KCNB2: variants seen among roughly 807,000 people sequenced by gnomAD.
KCNB2 encodes potassium voltage-gated channel subfamily B member 2.
KCNB2 carries 15 observed loss-of-function variants against 61.5 expected under a neutral mutation model. The ratio of observed to expected loss-of-function variants is 0.24; its 90% CI spans 0.16 to 0.38. The LOEUF is 0.38. KCNB2 is among the 10% of genes least tolerant of loss of function. The pLI is 1.00. For synonymous variants in KCNB2, 457 were observed against 446.0 expected (o/e 1.02, Z -0.31); for missense variants, 828 against 1,125.2 (o/e 0.74, Z 3.78).
At chr8:72,897,649 C>T (rs767020068) in intron 2 of KCNB2, among the ~76,000 whole-genome samples, 7 of 152,118 alleles carry the variant, frequency 4.6e-5, no homozygotes, top group South Asian at 2.1e-4. Context: ...AAATAATTTA[C>T]GTTGTCTATT....
chr8:72,736,086 A>G (rs974836526), intron 2 of KCNB2, among the ~76,000 whole-genome samples: 10 of 152,132 alleles, frequency 6.6e-5, no homozygotes, highest in Non-Finnish European at 1.3e-4. Flanking sequence ...TTTACACCAA[A>G]ACTCACTTGA....
intron 2 of KCNB2, among the ~76,000 whole-genome samples, chr8:72,737,741 G>T (rs540932100): frequency 6.6e-6 from 1 of 152,112 alleles, no homozygotes; most frequent in African/African-American, 2.4e-5. Context: ...TCTTGCTGTA[G>T]GTTGAAGAAC....
At chr8:72,548,828 A>G (rs956418679) in intron 1 of KCNB2, among the ~76,000 whole-genome samples, 1 of 152,032 alleles carries the variant, frequency 6.6e-6, no homozygotes, top group Non-Finnish European at 1.5e-5. Context: ...TCCTTTGTTC[A>G]TGTCTTATAC....
At chr8:72,927,130 G>T (rs763815144) in intron 2 of KCNB2, among the ~76,000 whole-genome samples, 1 of 152,132 alleles carries the variant, frequency 6.6e-6, no homozygotes, top group African/African-American at 2.4e-5. Flanking sequence ...GGAGTGATGT[G>T]GTTGTTCTGG....
intron 2 of KCNB2, among the ~76,000 whole-genome samples, chr8:72,610,067 T>A (rs1805513841): frequency 6.6e-6 from 1 of 152,100 alleles, no homozygotes; most frequent in African/African-American, 2.4e-5. Context: ...TTCAAAAAAA[T>A]TTGGTGACTT....
chr8:72,838,627 A>C (rs1809823879), intron 2 of KCNB2, among the ~76,000 whole-genome samples: 1 of 152,224 alleles, frequency 6.6e-6, no homozygotes, highest in Non-Finnish European at 1.5e-5. Context: ...GTATTTACCC[A>C]GTAATGGGAT....
chr8:72,898,088 TG>T (rs1806021508), intron 2 of KCNB2, among the ~76,000 whole-genome samples: 1 of 152,310 alleles, frequency 6.6e-6, no homozygotes, highest in African/African-American at 2.4e-5. Flanking sequence ...CTTCAAAGTC[TG>T]TTTTTTAATG....
At chr8:72,713,167 T>C (rs1807356311) in intron 2 of KCNB2, among the ~76,000 whole-genome samples, 1 of 152,246 alleles carries the variant, frequency 6.6e-6, no homozygotes, top group Non-Finnish European at 1.5e-5. Flanking sequence ...GCCAGGAAGC[T>C]CAAACTGGGT....
At chr8:72,912,981 A>G (rs759871617) in intron 2 of KCNB2, among the ~76,000 whole-genome samples, 1 of 152,184 alleles carries the variant, frequency 6.6e-6, no homozygotes, top group Non-Finnish European at 1.5e-5. Flanking sequence ...GATCTGTGTG[A>G]GATAAAGCTT....
intron 2 of KCNB2, among the ~76,000 whole-genome samples, chr8:72,819,282 G>T (rs113828011): frequency 2.6e-3 from 394 of 151,008 alleles, no homozygotes; most frequent in African/African-American, 8.8e-3. Flanking sequence ...GCAGCAACCG[G>T]CCCAGAGCTA....
chr8:72,734,807 G>C lies in KCNB2; in HGVS notation c.579+166494G>C, dbSNP rs530437362. Among the ~76,000 whole-genome samples, 447 of 152,300 alleles carry C rather than the reference G, an allele frequency of 2.9e-3. 1 individual carries two copies. Among genetic ancestry groups the C allele is most frequent in the Non-Finnish European group, 5.1e-3 (348 of 68,032 alleles). On this transcript the variant is annotated intron_variant, in intron 2 of 2. Transcript: ENST00000523207. ...ATAATAACAAGGAAGATTTTCGACAGCTTCAGATAAAGGTCAGCCATTTCA... is the reference window on the plus strand; with the variant it reads ...ATAATAACAAGGAAGATTTTCGACACCTTCAGATAAAGGTCAGCCATTTCA...
chr8:72,561,760 T>TAC lies in KCNB2; in HGVS notation c.-93-5882_-93-5881insAC, dbSNP rs1332348155. Among the ~76,000 whole-genome samples, 3 of 25,918 alleles carry TAC rather than the reference T, an allele frequency of 1.2e-4. No homozygotes were observed. In the East Asian group the frequency reaches 4.1e-3, roughly 36 times the overall value. The allele number at this position is 25,918 out of a possible 152,430, so 17.0% of individuals were successfully genotyped here. On this transcript the variant is annotated intron_variant, in intron 1 of 2. Coordinates refer to ENST00000523207, the MANE Select transcript of KCNB2 (RefSeq NM_004770.3). The stretch of plus-strand genomic sequence containing the variant: ...CTATATATATATGTATATATATATA[T>TAC]GGATATATATATATATGGATATATA...
At chr8:72,766,617 G>A (rs1285651761) in intron 2 of KCNB2, among the ~76,000 whole-genome samples, 1 of 152,142 alleles carries the variant, frequency 6.6e-6, no homozygotes, top group East Asian at 1.9e-4. Context: ...ATAAAATTGT[G>A]TGTATGCTTA....
intron 2 of KCNB2, among the ~76,000 whole-genome samples, chr8:72,643,471 G>A (rs915097212): frequency 6.6e-6 from 1 of 152,058 alleles, no homozygotes; most frequent in Non-Finnish European, 1.5e-5. Context: ...TGCCCATTTT[G>A]TATGTCTGAC....
At chr8:72,628,028 A>T (rs1191985030) in intron 2 of KCNB2, among the ~76,000 whole-genome samples, 1 of 151,842 alleles carries the variant, frequency 6.6e-6, no homozygotes, top group Non-Finnish European at 1.5e-5. Flanking sequence ...ATCTCAGCCC[A>T]CTGCCACCTC....
intron 2 of KCNB2, among the ~76,000 whole-genome samples, chr8:72,834,077 T>C (rs1809739946): frequency 6.6e-6 from 1 of 152,232 alleles, no homozygotes; most frequent in African/African-American, 2.4e-5. Context: ...ATATTCATTC[T>C]GTTTTTCACA....
At chr8:72,667,496 C>T (rs911087294) in intron 2 of KCNB2, among the ~76,000 whole-genome samples, 5 of 152,110 alleles carry the variant, frequency 3.3e-5, no homozygotes, top group African/African-American at 9.7e-5. Context: ...TAGTCTTCTT[C>T]GTTTTGGTAA....
Position 72,571,557 on chromosome 8 carries a change from G to A in KCNB2, c.579+3244G>A, listed in dbSNP as rs191077531. On this transcript the variant is annotated intron_variant, in intron 2 of 2. Transcript: ENST00000523207. ...ATTTCTTAGTTCTCTGGGATATGGT[G>A]TGATTTGGCAATGGGACACAGGTTT... Among the ~76,000 whole-genome samples, 715 of 152,324 alleles carry A rather than the reference G, an allele frequency of 4.7e-3. 7 individuals are homozygous for A. Among genetic ancestry groups the A allele is most frequent in the African/African-American group, 0.016 (674 of 41,560 alleles).
chr8:72,626,457 C>G (rs1805791091), intron 2 of KCNB2, among the ~76,000 whole-genome samples: 1 of 152,178 alleles, frequency 6.6e-6, no homozygotes, highest in African/African-American at 2.4e-5. Context: ...TTACATGCAG[C>G]TAAATGACTC....
Sources: allele counts gnomAD v4.1 joint callset (sites outside exome capture counted in the v4.1 genomes callset), GRCh38; gene constraint gnomAD v4.1.1; transcripts MANE v1.5; gene names NCBI Gene and HGNC (gene_info 2026-07-23, HGNC 2026-07-21).